CMTR1: variants seen among roughly 807,000 people sequenced by gnomAD.
CMTR1 encodes the protein cap-specific mRNA (nucleoside-2'-O-)-methyltransferase 1.
A neutral mutation model predicts 107.0 loss-of-function variants in CMTR1; 39 were observed. The ratio of observed to expected loss-of-function variants is 0.36; its 90% CI spans 0.28 to 0.48. CMTR1 has a LOEUF of 0.48. CMTR1 is among the 20% of genes least tolerant of loss of function. The pLI, the probability that CMTR1 is intolerant of heterozygous loss-of-function variation, is 0.99. For missense variants in CMTR1, 672 were observed against 1,064.9 expected (o/e 0.63, Z 5.14); for synonymous variants, 366 against 379.5 (o/e 0.96, Z 0.41).
chr6:37,435,971 G>A (rs547075227), intron 2 of CMTR1, among the ~76,000 whole-genome samples: 1 of 152,252 alleles, frequency 6.6e-6, no homozygotes, highest in South Asian at 2.1e-4. Context: ...AATAAAAAAT[G>A]GTAATTTTTC....
intron 4 of CMTR1, 148 bp downstream of exon 4, chr6:37,446,597 C>A: frequency 1.1e-6 from 1 of 921,904 alleles, no homozygotes; most frequent in Non-Finnish European, 1.6e-6. Context: ...CTGGGGATAT[C>A]CAGAATGGAA....
chr6:37,446,443 G>A lies in CMTR1; in HGVS notation c.438G>A (p.Glu146=). ...AGCTGAACGTGGACTGGCGAGATGAGCCAGAGGTAAGTGTTAAAGTGAGGA... is the reference window on the plus strand; with the variant it reads ...AGCTGAACGTGGACTGGCGAGATGAACCAGAGGTAAGTGTTAAAGTGAGGA... ...DQELNVDWRD[E]PEPSACEQVS... Residue 146 remains glutamate (E), a synonymous_variant, in exon 4 of 24, where the codon GAG becomes GAA. Coordinates refer to ENST00000373451, the MANE Select transcript of CMTR1 (RefSeq NM_015050.3). 5 of 1,612,666 alleles carry A rather than the reference G, an allele frequency of 3.1e-6. No homozygotes were observed. The highest frequency in any genetic ancestry group is 2.2e-5 in the South Asian group (2 of 90,996).
upstream of CMTR1, among the ~76,000 whole-genome samples, chr6:37,429,954 A>T (rs1382927895): frequency 4.9e-3 from 740 of 152,302 alleles, 6 homozygotes; most frequent in African/African-American, 0.017. Flanking sequence ...TAATAAAAAA[A>T]AAAAAAGAAT....
At chr6:37,477,023 C>T (rs888925642) in intron 20 of CMTR1, among the ~76,000 whole-genome samples, 1 of 152,126 alleles carries the variant, frequency 6.6e-6, no homozygotes, top group African/African-American at 2.4e-5. Context: ...TTTGGTTGCT[C>T]GATTTCTGGG....
intron 8 of CMTR1, among the ~76,000 whole-genome samples, chr6:37,456,796 G>T (rs1278807604): frequency 6.6e-6 from 1 of 152,220 alleles, no homozygotes; most frequent in Non-Finnish European, 1.5e-5. Context: ...CATCCTGTCT[G>T]CTGTGGAGGG....
intron 3 of CMTR1, among the ~76,000 whole-genome samples, chr6:37,445,038 AAAAG>A (rs777652503): frequency 9.2e-5 from 14 of 152,174 alleles, no homozygotes; most frequent in African/African-American, 2.4e-4. Flanking sequence ...AAAATAAAAA[AAAAG>A]AAAGAAATAT....
chr6:37,441,999 T>C (rs1451324983), intron 2 of CMTR1, among the ~76,000 whole-genome samples: 3 of 152,372 alleles, frequency 2.0e-5, no homozygotes, highest in Middle Eastern at 3.4e-3. Context: ...TGCTAACTTA[T>C]TAGAAGCCAG....
At chr6:37,432,558 G>T (rs865969828), upstream of CMTR1, among the ~76,000 whole-genome samples, 1 of 152,194 alleles carries the variant, frequency 6.6e-6, no homozygotes, top group Non-Finnish European at 1.5e-5. Flanking sequence ...AAACTTTGGG[G>T]TATGAAGAAG....
intron 18 of CMTR1, 121 bp from the exon 19 acceptor site, chr6:37,475,200 C>A: frequency 1.3e-6 from 1 of 759,440 alleles, no homozygotes; most frequent in Non-Finnish European, 2.3e-6. Context: ...AAATATCCTG[C>A]ATTTAGAGCC....
At chr6:37,442,197 G>C (rs2113865747) in intron 2 of CMTR1, among the ~76,000 whole-genome samples, 2 of 152,340 alleles carry the variant, frequency 1.3e-5, no homozygotes, top group South Asian at 2.1e-4. Context: ...TGCTGAACCA[G>C]TATAGTAGTC....
chr6:37,480,847 T>C lies in CMTR1; in HGVS notation c.*702T>C. ...CTGGGAGCCCTCTTTTCGTACTGAG[T>C]ATGGAGTTGTAGAGCCATCCTAGGT... is the stretch of plus-strand genomic sequence containing the variant. On this transcript the variant is annotated 3_prime_UTR_variant, in exon 24 of 24. Transcript: ENST00000373451. 1.7e-6 allele frequency: 2 copies of C among 1,181,694 alleles called. No individual in the cohort carries two copies. The highest frequency in any genetic ancestry group is 1.6e-5 in the South Asian group (1 of 61,816). The allele number at this position is 1,181,694 out of a possible 1,614,324, so 73.2% of individuals were successfully genotyped here. A position where few individuals can be genotyped will look rare whatever the true frequency, so the allele number is the denominator to read the frequency against.
chr6:37,469,008 G>A (rs1205196302), intron 13 of CMTR1, among the ~76,000 whole-genome samples: 6 of 152,174 alleles, frequency 3.9e-5, no homozygotes, highest in Admixed American at 2.6e-4. Flanking sequence ...GCTTGAGACT[G>A]GCCTGGCCAA....
At chr6:37,445,803 C>T (rs1333713219) in intron 3 of CMTR1, among the ~76,000 whole-genome samples, 4 of 152,110 alleles carry the variant, frequency 2.6e-5, no homozygotes, top group Non-Finnish European at 5.9e-5. Flanking sequence ...CCATACCTCA[C>T]TTTTACATGA....
rs1290871009 is a variant in CMTR1 at position 37,472,843 on chromosome 6, C to T, written c.1689+356C>T. On this transcript the variant is annotated intron_variant, in intron 16 of 23. Transcript: ENST00000373451. The surrounding 1 kb of genome is among the most constrained non-coding windows in gnomAD (Gnocchi z 4.1). ...TGATCTTAGGCAAGGGAGCTGGGCA[C>T]AGGGTGAAGGGAGCTGCCAGGGAAG... Among the ~76,000 whole-genome samples, 3 of 152,144 alleles carry T rather than the reference C, an allele frequency of 2.0e-5. No individual in the cohort carries two copies. The highest frequency in any genetic ancestry group is 7.2e-5 in the African/African-American group (3 of 41,430).
upstream of CMTR1, among the ~76,000 whole-genome samples, chr6:37,430,123 G>A (rs1028520849): frequency 1.3e-5 from 2 of 152,076 alleles, no homozygotes; most frequent in African/African-American, 2.4e-5. Context: ...TTGCCTTTTA[G>A]TACAAGTTGG....
chr6:37,428,050 GAGAGAGA>G, the CMTR1 span, among the ~76,000 whole-genome samples: 8 of 132,946 alleles, frequency 6.0e-5, no homozygotes, highest in African/African-American at 1.8e-4. Context: ...GAGAGAGAGA[GAGAGAGA>G]GAGAAACTCT....
rs904250 is a variant in CMTR1 at position 37,461,709 on chromosome 6, A to G, written c.1192+64A>G. 2,396 of 1,121,802 alleles carry G rather than the reference A, an allele frequency of 2.1e-3. 46 individuals are homozygous for G. The African/African-American group carries it at 0.035, about 16-fold the overall frequency. 69.5% of individuals were successfully genotyped at this position (1,121,802 alleles called of 1,614,324 possible). A position where few individuals can be genotyped will look rare whatever the true frequency, so the allele number is the denominator to read the frequency against. On this transcript the variant is annotated intron_variant, in intron 11 of 23. Coordinates refer to ENST00000373451, the MANE Select transcript of CMTR1 (RefSeq NM_015050.3). ...CTTAGAGGCCCTATTGGACAAGAAC[A>G]TGTACAAGGGGTTGGTGGGGAAGTT... is the stretch of plus-strand genomic sequence containing the variant.
intron 2 of CMTR1, among the ~76,000 whole-genome samples, chr6:37,440,863 G>A (rs770103367): frequency 6.6e-5 from 10 of 152,190 alleles, no homozygotes; most frequent in Non-Finnish European, 1.3e-4. Context: ...TACTATCTCC[G>A]TGCTCATTGT....
upstream of CMTR1, among the ~76,000 whole-genome samples, chr6:37,432,285 CATT>C (rs1771400967): frequency 2.0e-5 from 3 of 152,318 alleles, no homozygotes; most frequent in South Asian, 6.2e-4. Context: ...GGATTTTAAT[CATT>C]GTTGGGTTGT....
Sources: allele counts gnomAD v4.1 joint callset (sites outside exome capture counted in the v4.1 genomes callset), GRCh38; gene constraint gnomAD v4.1.1; non-coding constraint Gnocchi (gnomAD v3.1); transcripts MANE v1.5; gene names NCBI Gene and HGNC (gene_info 2026-07-23, HGNC 2026-07-21).